NOTCH4: variants seen among roughly 807,000 people sequenced by gnomAD.
The protein encoded by NOTCH4 is notch receptor 4, also known as neurogenic locus notch homolog protein 4.
Under a neutral mutation model 189.0 loss-of-function variants are expected in NOTCH4, and 138 were observed. The observed-to-expected ratio is 0.73, with a 90% confidence interval of 0.64 to 0.84. NOTCH4 has a LOEUF of 0.84. Among genes scored for constraint, NOTCH4 ranks in the 40% least tolerant of loss-of-function variants. The pLI is 0.00. For missense variants in NOTCH4, 2,286 were observed against 2,605.4 expected, an observed-to-expected ratio of 0.88 and a Z score of 2.67; for synonymous variants, 942 against 1,032.8, an observed-to-expected ratio of 0.91 and a Z score of 1.69.
rs1351794804 is a variant in NOTCH4 at position 32,221,550 on chromosome 6, T to C, written c.452-225A>G. Among the ~76,000 whole-genome samples, 1 of 152,068 alleles carries C rather than the reference T, an allele frequency of 6.6e-6. No individual in the cohort carries two copies. Among genetic ancestry groups the C allele is most frequent in the Non-Finnish European group, 1.5e-5 (1 of 68,024 alleles). ...ATATCTTCTAAAGTGATGATGAGAG[T>C]ATTGCAAATTGGCCTTGCCTGAGAA... is the stretch of plus-strand genomic sequence containing the variant. On this transcript the variant is annotated intron_variant, in intron 3 of 29. Transcript: ENST00000375023. The surrounding 1 kb of genome is among the most constrained non-coding windows in gnomAD (Gnocchi z 4.3).
chr6:32,204,009 C>CGGGGGTGGGCGTGGAGGCA, intron 19 of NOTCH4, 127 bp from the exon 20 acceptor site: 1 of 505,470 alleles, frequency 2.0e-6, no homozygotes, highest in South Asian at 1.8e-5. Flanking sequence ...CTTTTCTGGG[C>CGGGGGTGGGCGTGGAGGCA]GGGGGTGGGC....
In NOTCH4 at chr6:32,221,594, T is replaced by TC. The variant is rs1789784134; in HGVS notation, c.452-270dup. On this transcript the variant is annotated intron_variant, in intron 3 of 29. Transcript: ENST00000375023. The surrounding 1 kb of genome is among the most constrained non-coding windows in gnomAD (Gnocchi z 4.3). Reference sequence around the variant, plus strand: ...CTGAGAAAATCTGGGACGTGGGTGATCTTGGGGGAGGTGAAAAGCACCCCA... The same window carrying TC: ...CTGAGAAAATCTGGGACGTGGGTGATCCTTGGGGGAGGTGAAAAGCACCCCA... Among the ~76,000 whole-genome samples, 1 of 152,064 alleles carries TC rather than the reference T, an allele frequency of 6.6e-6. No individual in the cohort carries two copies.
In NOTCH4 at chr6:32,201,693, C is replaced by G. The variant is rs889925432; in HGVS notation, c.3756-193G>C. The G allele has an allele frequency of 2.1e-6, 1 of 467,150 alleles. No individual in the cohort carries two copies. The highest frequency in any genetic ancestry group is 2.0e-5 in the African/African-American group (1 of 50,090). 28.9% of individuals were successfully genotyped at this position (467,150 alleles called of 1,614,324 possible). On this transcript the variant is annotated intron_variant, in intron 21 of 29. Coordinates refer to ENST00000375023, the MANE Select transcript of NOTCH4 (RefSeq NM_004557.4). This position sits in a 1 kb window ranked among gnomAD's most constrained non-coding sequence, Gnocchi z 5.5. ...CAATGTCTGCTAACACCCCTGTCTC[C>G]CTAGACTGTCCCCTCTCTGTACCCT... is the stretch of plus-strand genomic sequence containing the variant.
At position 32,201,673 on chromosome 6, in the gene NOTCH4, T is replaced by A. The variant is rs1788362435; in HGVS notation, c.3756-173A>T. ...GGATGGTAGTCCAGACACCCCAATG[T>A]CTGCTAACACCCCTGTCTCCCTAGA... is the stretch of plus-strand genomic sequence containing the variant. On this transcript the variant is annotated intron_variant, in intron 21 of 29. Coordinates refer to ENST00000375023, the MANE Select transcript of NOTCH4 (RefSeq NM_004557.4). This position sits in a 1 kb window ranked among gnomAD's most constrained non-coding sequence, Gnocchi z 5.5. 3.9e-6 allele frequency: 2 copies of A among 513,636 alleles called. No individual in the cohort carries two copies. Among genetic ancestry groups the A allele is most frequent in the Non-Finnish European group, 6.4e-6 (2 of 312,152 alleles). The allele number at this position is 513,636 out of a possible 1,614,324, so 31.8% of individuals were successfully genotyped here.
Position 32,195,698 on chromosome 6 carries a change from A to G in NOTCH4, c.5751T>C (p.Ser1917=), listed in dbSNP as rs1223938785. 1.2e-6 allele frequency: 2 copies of G among 1,613,006 alleles called. No homozygotes were observed. Among genetic ancestry groups the G allele is most frequent in the Non-Finnish European group, 1.7e-6 (2 of 1,180,000 alleles). ...GGPTPRGRRF[S]AGMRGPRPNP... ...TGGGCCGAGGCCCGCGCATGCCTGCAGAAAACCTACGGCCGCGAGGGGTCG... is the reference window on the plus strand; with the variant it reads ...TGGGCCGAGGCCCGCGCATGCCTGCGGAAAACCTACGGCCGCGAGGGGTCG... Residue 1917 remains serine (S), a synonymous_variant, in exon 30 of 30, where the codon TCT becomes TCC. Coordinates refer to ENST00000375023, the MANE Select transcript of NOTCH4 (RefSeq NM_004557.4). This position sits in a 1 kb window ranked among gnomAD's most constrained non-coding sequence, Gnocchi z 5.4.
intron 20 of NOTCH4, 45 bp downstream of exon 20, chr6:32,203,725 G>A: frequency 1.4e-6 from 2 of 1,416,298 alleles, no homozygotes; most frequent in Non-Finnish European, 1.9e-6. Context: ...TTCTTGCCTT[G>A]TCAGCATAGG....
chr6:32,218,520 A>G (rs973215795), intron 8 of NOTCH4, among the ~76,000 whole-genome samples: 51 of 152,098 alleles, frequency 3.4e-4, no homozygotes, highest in African/African-American at 1.2e-3. Context: ...AGAGATCCCA[A>G]AGTGGAGGAA....
rs138419926 is a variant in NOTCH4, at chr6:32,223,578, T to C, written c.73+278A>G. Reference sequence around the variant, plus strand: ...GTGTTCCCTCTTCCCCTCTTCCCTATGGCTGCAAGAGTCCTCCAGTGCCAG... The same window carrying C: ...GTGTTCCCTCTTCCCCTCTTCCCTACGGCTGCAAGAGTCCTCCAGTGCCAG... On this transcript the variant is annotated intron_variant, in intron 1 of 29. Coordinates refer to ENST00000375023, the MANE Select transcript of NOTCH4 (RefSeq NM_004557.4). 6.8e-4 allele frequency among the ~76,000 whole-genome samples: 104 copies of C among 152,112 alleles called. No individual in the cohort carries two copies. In the Middle Eastern group the frequency reaches 0.01, roughly 15 times the overall value.
rs1789788314 is a variant in NOTCH4, at chr6:32,221,670, G to A, written c.452-345C>T. Among the ~76,000 whole-genome samples, 2 of 152,150 alleles carry A rather than the reference G, an allele frequency of 1.3e-5. No homozygotes were observed. Among genetic ancestry groups the A allele is most frequent in the Non-Finnish European group, 2.9e-5 (2 of 68,022 alleles). On this transcript the variant is annotated intron_variant, in intron 3 of 29. Transcript: ENST00000375023. This position sits in a 1 kb window ranked among gnomAD's most constrained non-coding sequence, Gnocchi z 4.3. Reference sequence around the variant, plus strand: ...GCACCATGCTGTGCCACAACTGGTTGTATACCCTTGGGTGAGCCACTTTGC... The same window carrying A: ...GCACCATGCTGTGCCACAACTGGTTATATACCCTTGGGTGAGCCACTTTGC...
At position 32,196,033 on chromosome 6, in the gene NOTCH4, C is replaced by T. The variant is rs757020200; in HGVS notation, c.5416G>A (p.Val1806Ile). The T allele has an allele frequency of 1.1e-5, 18 of 1,594,852 alleles. No homozygotes were observed. Among genetic ancestry groups the T allele is most frequent in the Admixed American group, 1.7e-5 (1 of 59,160 alleles). The stretch of plus-strand genomic sequence containing the variant: ...TCCCAGTGGTTACGTTGGTGAGCGA[C>T]GTCCGCCGGCGCTAGCCCAGCCTGG... ...RDQAGLAPAD[V>I]AHQRNHWDLL... The change falls in exon 30 of 30, where the codon GTC becomes ATC. Residue 1806 changes from valine (V) to isoleucine (I), a missense_variant. Transcript: ENST00000375023.
In NOTCH4 at chr6:32,217,320, C is replaced by A; in HGVS notation, c.1625-54G>T. ...GAGGCCAAGGTCATCGAGGGAGGCACAGCATGGCGCCTTCCCTTGCCAGGA... is the reference window on the plus strand; with the variant it reads ...GAGGCCAAGGTCATCGAGGGAGGCAAAGCATGGCGCCTTCCCTTGCCAGGA... On this transcript the variant is annotated intron_variant, in intron 9 of 29. Transcript: ENST00000375023. The surrounding 1 kb of genome is among the most constrained non-coding windows in gnomAD (Gnocchi z 4.2). 8.8e-7 allele frequency: 1 copy of A among 1,141,272 alleles called. No homozygotes were observed. The allele number at this position is 1,141,272 out of a possible 1,614,324, so 70.7% of individuals were successfully genotyped here.
At chr6:32,203,999 C>G in intron 19 of NOTCH4, 117 bp from the exon 20 acceptor site, 6 of 1,079,452 alleles carry the variant, frequency 5.6e-6, no homozygotes, top group Non-Finnish European at 8.1e-6. Flanking sequence ...CCTGGGGCAT[C>G]TTTTCTGGGC....
intron 1 of NOTCH4, 51 bp from the exon 2 acceptor site, chr6:32,223,137 C>T: frequency 7.1e-7 from 1 of 1,407,474 alleles, no homozygotes; most frequent in Non-Finnish European, 1.0e-6. Flanking sequence ...TGTGCCTCCA[C>T]CTTTCCTCTT....
At chr6:32,222,446 C>G in intron 3 of NOTCH4, 65 bp downstream of exon 3, 3 of 1,384,432 alleles carry the variant, frequency 2.2e-6, no homozygotes, top group Admixed American at 6.4e-5. Flanking sequence ...GTTCTATCTT[C>G]CCCACCCACA....
chr6:32,212,016 A>G lies in NOTCH4; in HGVS notation c.2680+458T>C, dbSNP rs755686755. 6.6e-6 allele frequency among the ~76,000 whole-genome samples: 1 copy of G among 152,132 alleles called. No homozygotes were observed. The highest frequency in any genetic ancestry group is 2.1e-4 in the South Asian group (1 of 4,830). ...TTCCCATCAGCTATCCCTTAACTCCATCATAATCTCTTTCCCGAGCTCTTC... is the reference window on the plus strand; with the variant it reads ...TTCCCATCAGCTATCCCTTAACTCCGTCATAATCTCTTTCCCGAGCTCTTC... On this transcript the variant is annotated intron_variant, in intron 17 of 29. Coordinates refer to ENST00000375023, the MANE Select transcript of NOTCH4 (RefSeq NM_004557.4). The surrounding 1 kb of genome is among the most constrained non-coding windows in gnomAD (Gnocchi z 4.4).
intron 27 of NOTCH4, 70 bp downstream of exon 27, chr6:32,197,229 G>C: frequency 6.6e-7 from 1 of 1,517,280 alleles, no homozygotes; most frequent in South Asian, 1.3e-5. Flanking sequence ...TCAAACTCTA[G>C]GGGATGCTTC....
chr6:32,201,288 A>G lies in NOTCH4; in HGVS notation c.3968T>C (p.Leu1323Pro). The G allele has an allele frequency of 6.2e-7, 1 of 1,612,996 alleles. No individual in the cohort carries two copies. The highest frequency in any genetic ancestry group is 8.5e-7 in the Non-Finnish European group (1 of 1,180,008). Residue 1323 changes from leucine to proline, a missense_variant, in exon 22 of 30, where the codon CTG becomes CCG. Physicochemically the swap from Leu to Pro is moderately conservative, Grantham distance 98. Coordinates refer to ENST00000375023, the MANE Select transcript of NOTCH4 (RefSeq NM_004557.4). This position sits in a 1 kb window ranked among gnomAD's most constrained non-coding sequence, Gnocchi z 5.5. ...FALARVLSLT[L>P]RVGLWVRKDR... is the part of the protein sequence containing the mutation. Reference sequence around the variant, plus strand: ...CTTCCTTACCCAGAGTCCTACCCTCAGAGTCAGGGACAGCACCCGGGCCAG... The same window carrying G: ...CTTCCTTACCCAGAGTCCTACCCTCGGAGTCAGGGACAGCACCCGGGCCAG...
At chr6:32,219,556 C>T (rs779411581) in intron 8 of NOTCH4, 36 bp downstream of exon 8, 1 of 1,593,388 alleles carries the variant, frequency 6.3e-7, no homozygotes, top group East Asian at 2.2e-5. Flanking sequence ...GACTAGTTCC[C>T]TGTTTTCCCC....
chr6:32,201,323 C>T lies in NOTCH4; in HGVS notation c.3933G>A (p.Gln1311=), dbSNP rs1020039379. The T allele has an allele frequency of 5.0e-6, 8 of 1,612,634 alleles. No individual in the cohort carries two copies. The highest frequency in any genetic ancestry group is 6.8e-6 in the Non-Finnish European group (8 of 1,179,764). The part of the protein sequence containing the change: ...VVLSPPALDQ[Q]LFALARVLSL... ...ACAGCACCCGGGCCAGGGCAAACAG[C>T]TGCTGGTCTAGGGCTGGGGGGCTCA... The change falls in exon 22 of 30, where the codon CAG becomes CAA. Residue 1311 remains glutamine, a synonymous_variant. Transcript: ENST00000375023. This position sits in a 1 kb window ranked among gnomAD's most constrained non-coding sequence, Gnocchi z 5.5.
Sources: gnomAD v4.1 joint callset for allele counts (sites outside exome capture counted in the v4.1 genomes callset) on GRCh38, gnomAD v4.1.1 for gene constraint, Gnocchi (gnomAD v3.1) non-coding constraint, MANE v1.5 for transcripts, NCBI Gene and HGNC (gene_info 2026-07-23, HGNC 2026-07-21) for gene names.